Variants in CCNY observed in about 807,000 individuals in gnomAD.
The protein encoded by CCNY is cyclin-Y.
In CCNY, 19 loss-of-function variants were observed where a neutral mutation model predicts 42.8. That is an observed-to-expected ratio of 0.44 (90% confidence interval 0.31 to 0.65). The LOEUF (loss-of-function observed/expected upper bound fraction) is 0.65, where lower values mean the gene tolerates loss of function less well. Ranked by LOEUF, CCNY falls within the 30% of genes least tolerant of loss-of-function variation. The pLI, the probability that CCNY is intolerant of heterozygous loss-of-function variation, is 0.07. For synonymous variants in CCNY, 165 were observed against 162.7 expected, an observed-to-expected ratio of 1.01 and a Z score of -0.11; for missense variants, 370 against 437.3, an observed-to-expected ratio of 0.85 and a Z score of 1.37.
intron 7 of CCNY, among the ~76,000 whole-genome samples, chr10:35,535,933 C>T (rs1804398513): frequency 1.3e-5 from 2 of 152,202 alleles, no homozygotes; most frequent in African/African-American, 4.8e-5. Context: ...TTTGTTTACT[C>T]ATTCATCAGT....
intron 1 of CCNY, among the ~76,000 whole-genome samples, chr10:35,473,063 C>G (rs936164991): frequency 6.6e-6 from 1 of 152,152 alleles, no homozygotes; most frequent in African/African-American, 2.4e-5. Context: ...TTAAGCTATT[C>G]TCTTGTAAGC....
chr10:35,271,488 A>T (rs1175401173), intron 3 of CCNY, among the ~76,000 whole-genome samples: 1 of 152,194 alleles, frequency 6.6e-6, no homozygotes, highest in Non-Finnish European at 1.5e-5. Context: ...GAAAGTCTCC[A>T]TTCTGAAATA....
intron 7 of CCNY, among the ~76,000 whole-genome samples, chr10:35,549,242 G>T (rs1841189729): frequency 6.6e-6 from 1 of 152,132 alleles, no homozygotes; most frequent in Non-Finnish European, 1.5e-5. Flanking sequence ...GAAGCTTCTG[G>T]TTGCTTTGGG....
chr10:35,466,275 G>A (rs1164253490), intron 1 of CCNY, among the ~76,000 whole-genome samples: 1 of 152,130 alleles, frequency 6.6e-6, no homozygotes, highest in Non-Finnish European at 1.5e-5. Context: ...GAGTTTGCCT[G>A]ACACTTGAGG....
At chr10:35,304,113 C>T (rs1430761558) in intron 3 of CCNY, among the ~76,000 whole-genome samples, 3 of 152,110 alleles carry the variant, frequency 2.0e-5, no homozygotes, top group South Asian at 2.1e-4. Flanking sequence ...AACCCCTCTT[C>T]GTCTTTCAGT....
At chr10:35,336,086 T>C (rs1403654223), upstream of CCNY, 1 of 152,018 alleles carries the variant, frequency 6.6e-6, no homozygotes, top group Non-Finnish European at 1.5e-5. Context: ...TCTAAAAAAA[T>C]AAATTAGAAA....
At chr10:35,393,912 A>T (rs1412955290) in intron 1 of CCNY, among the ~76,000 whole-genome samples, 2 of 152,224 alleles carry the variant, frequency 1.3e-5, no homozygotes, top group African/African-American at 4.8e-5. Context: ...CTAAAAAAAC[A>T]AAAAAGTTTA....
At chr10:35,327,943 G>A (rs1242050176) in intron 3 of CCNY, among the ~76,000 whole-genome samples, 1 of 152,196 alleles carries the variant, frequency 6.6e-6, no homozygotes, top group Non-Finnish European at 1.5e-5. Flanking sequence ...ACCAAGTGAA[G>A]GAACGAGGCT....
chr10:35,443,645 GACCTGTGCTAAT>G (rs1838723098), intron 1 of CCNY, among the ~76,000 whole-genome samples: 1 of 152,176 alleles, frequency 6.6e-6, no homozygotes, highest in Admixed American at 6.5e-5. Flanking sequence ...TTTACTCAAA[GACCTGTGCTAAT>G]ATTCTTAAAT....
chr10:35,372,030 G>A (rs144215275), intron 1 of CCNY, among the ~76,000 whole-genome samples: 2 of 152,360 alleles, frequency 1.3e-5, no homozygotes, highest in Admixed American at 6.5e-5. Flanking sequence ...CCACTCCTGT[G>A]TGAGACTGGG....
chr10:35,307,324 AC>A (rs1189347503), intron 3 of CCNY, among the ~76,000 whole-genome samples: 1 of 152,242 alleles, frequency 6.6e-6, no homozygotes, highest in African/African-American at 2.4e-5. Context: ...TGAAAGAATT[AC>A]AAAAAAGAGT....
chr10:35,315,058 G>C (rs1374299540), intron 3 of CCNY: 1 of 152,156 alleles, frequency 6.6e-6, no homozygotes, highest in African/African-American at 2.4e-5. Flanking sequence ...TCCAGCCTGG[G>C]CAACAAGAGC....
intron 1 of CCNY, chr10:35,395,025 A>C (rs2135217809): frequency 5.7e-6 from 1 of 175,808 alleles, no homozygotes; most frequent in Non-Finnish European, 1.1e-5. Flanking sequence ...TTGAAGAAGA[A>C]AGCTAGAAGT....
chr10:35,310,879 G>A (rs747216241), intron 3 of CCNY, among the ~76,000 whole-genome samples: 8 of 152,172 alleles, frequency 5.3e-5, no homozygotes, highest in Admixed American at 1.3e-4. Flanking sequence ...CGTGGCTCAC[G>A]CCTGTAATCC....
chr10:35,354,442 C>T (rs767404053), intron 1 of CCNY, among the ~76,000 whole-genome samples: 3 of 152,178 alleles, frequency 2.0e-5, no homozygotes, highest in Non-Finnish European at 4.4e-5. Context: ...GTCTTGGCGT[C>T]CCAAAGTGCT....
upstream of CCNY, among the ~76,000 whole-genome samples, chr10:35,333,957 C>T (rs772108098): frequency 4.0e-5 from 6 of 148,330 alleles, no homozygotes; most frequent in African/African-American, 1.5e-4. Context: ...GATTCTTGAC[C>T]AAAAGTTACA....
chr10:35,300,511 T>C (rs1338736240), intron 3 of CCNY, among the ~76,000 whole-genome samples: 1 of 152,174 alleles, frequency 6.6e-6, no homozygotes, highest in South Asian at 2.1e-4. Flanking sequence ...GTAGGGCAAG[T>C]CCAGTACCAG....
At chr10:35,342,354 A>T (rs778168155) in intron 1 of CCNY, among the ~76,000 whole-genome samples, 1 of 152,214 alleles carries the variant, frequency 6.6e-6, no homozygotes, top group African/African-American at 2.4e-5. Flanking sequence ...CCAGGCTAAG[A>T]CTTATCAGCC....
At chr10:35,384,009 G>T (rs376363140) in intron 1 of CCNY, among the ~76,000 whole-genome samples, 3 of 151,900 alleles carry the variant, frequency 2.0e-5, no homozygotes, top group African/African-American at 7.3e-5. Context: ...GAAATGTTCT[G>T]TTAAACACAT....
Sources: allele counts gnomAD v4.1 joint callset (sites outside exome capture counted in the v4.1 genomes callset), GRCh38; gene constraint gnomAD v4.1.1; transcripts MANE v1.5; gene names NCBI Gene and HGNC (gene_info 2026-07-23, HGNC 2026-07-21).